Variants in TTC9 observed in about 807,000 individuals in gnomAD.
TTC9 encodes the protein tetratricopeptide repeat protein 9A.
A neutral mutation model predicts 22.9 loss-of-function variants in TTC9; 13 were observed. The ratio of observed to expected loss-of-function variants is 0.57; its 90% CI spans 0.37 to 0.90. The LOEUF (loss-of-function observed/expected upper bound fraction) is 0.90, where lower values mean the gene tolerates loss of function less well. TTC9 is among the 40% of genes least tolerant of loss of function. The pLI is 0.01. For missense variants in TTC9, 280 were observed against 291.8 expected (o/e 0.96, Z 0.29); for synonymous variants, 148 against 133.2 (o/e 1.11, Z -0.77).
intron 1 of TTC9, among the ~76,000 whole-genome samples, chr14:70,664,327 A>G (rs1021654220): frequency 6.6e-6 from 1 of 151,118 alleles, no homozygotes; most frequent in Non-Finnish European, 1.5e-5. Flanking sequence ...ATGTACCAGT[A>G]GCCACCCACC....
At chr14:70,663,680 C>G (rs1265955978) in intron 1 of TTC9, among the ~76,000 whole-genome samples, 1 of 152,102 alleles carries the variant, frequency 6.6e-6, no homozygotes, top group Non-Finnish European at 1.5e-5. Context: ...GACCTCTGCC[C>G]TCCCTGCCCA....
intron 1 of TTC9, among the ~76,000 whole-genome samples, chr14:70,663,572 C>T (rs1323450890): frequency 6.6e-6 from 1 of 152,214 alleles, no homozygotes; most frequent in Non-Finnish European, 1.5e-5. Flanking sequence ...TCCCATTATA[C>T]TTTAGATCAA....
intron 1 of TTC9, among the ~76,000 whole-genome samples, chr14:70,665,732 G>A (rs1886206697): frequency 6.6e-6 from 1 of 152,014 alleles, no homozygotes; most frequent in African/African-American, 2.4e-5. Flanking sequence ...GGTCCTAAAT[G>A]CTCAAAAAAA....
At chr14:70,644,878 C>T (rs1348183745) in intron 1 of TTC9, among the ~76,000 whole-genome samples, 1 of 151,882 alleles carries the variant, frequency 6.6e-6, no homozygotes, top group African/African-American at 2.4e-5. Flanking sequence ...TTTGGGAGGC[C>T]GAGGCGGGCG....
chr14:70,669,475 C>A (rs184310301), intron 2 of TTC9, among the ~76,000 whole-genome samples: 4 of 151,544 alleles, frequency 2.6e-5, no homozygotes, highest in Non-Finnish European at 5.9e-5. Context: ...TAGATGAAGT[C>A]TTGCTATGTT....
chr14:70,643,840 A>G (rs920713400), intron 1 of TTC9, among the ~76,000 whole-genome samples: 7 of 152,208 alleles, frequency 4.6e-5, no homozygotes, highest in African/African-American at 1.7e-4. Flanking sequence ...TGTAAATTGT[A>G]AAGTACTTTA....
At chr14:70,656,199 C>A (rs1282150381) in intron 1 of TTC9, among the ~76,000 whole-genome samples, 1 of 126,920 alleles carries the variant, frequency 7.9e-6, no homozygotes, top group Non-Finnish European at 1.7e-5. Flanking sequence ...AAAAATAATT[C>A]TTCACCCTGA....
rs1357185464 is a variant in TTC9 at position 70,671,110 on chromosome 14, G to A, written c.624G>A (p.Glu208=). 1 of 1,613,764 alleles carries A rather than the reference G, an allele frequency of 6.2e-7. No individual in the cohort carries two copies. Among genetic ancestry groups the A allele is most frequent in the Non-Finnish European group, 8.5e-7 (1 of 1,179,774 alleles). ...TNVIRYIQLT[E]MKLSRCSQRE... is the part of the protein sequence containing the mutation. ...TGATTCGGTATATCCAGCTGACGGA[G>A]ATGAAACTCAGCCGATGCTCCCAGA... Residue 208 remains glutamate (E), a synonymous_variant, in exon 3 of 3, where the codon GAG becomes GAA. Coordinates refer to ENST00000256367, the MANE Select transcript of TTC9 (RefSeq NM_015351.2).
chr14:70,662,413 CAAAA>C (rs57369399), intron 1 of TTC9, among the ~76,000 whole-genome samples: 17 of 123,202 alleles, frequency 1.4e-4, no homozygotes, highest in Admixed American at 2.4e-4. Flanking sequence ...ATCTCTATGC[CAAAA>C]AAAAAAAAAA....
rs72721905 is a variant in TTC9, at chr14:70,671,965, G to A, written c.*810G>A. The A allele has an allele frequency of 0.028, 4,205 of 152,486 alleles. 85 individuals are homozygous for A. Among genetic ancestry groups the A allele is most frequent in the South Asian group, 0.07 (338 of 4,834 alleles). The allele number at this position is 152,486 out of a possible 1,614,324, so 9.4% of individuals were successfully genotyped here. On this transcript the variant is annotated 3_prime_UTR_variant, in exon 3 of 3. Transcript: ENST00000256367. ...GATGATGGCCAGGGGAAAGAGCATCGTATAGGCTAGGGGATTGAACTGTGG... is the reference window on the plus strand; with the variant it reads ...GATGATGGCCAGGGGAAAGAGCATCATATAGGCTAGGGGATTGAACTGTGG...
chr14:70,653,788 G>A (rs868540801), intron 1 of TTC9, among the ~76,000 whole-genome samples: 2 of 152,196 alleles, frequency 1.3e-5, no homozygotes. Context: ...ATCTGACAGC[G>A]GAAAATAAGG....
rs374827663 is a variant in TTC9, at chr14:70,671,184, C to T, written c.*29C>T. ...GGAAGCAGCTCCAGAGCTGCGCCCA[C>T]GCCTGACCGGGGACTTCCAGGCATC... On this transcript the variant is annotated 3_prime_UTR_variant, in exon 3 of 3. Coordinates refer to ENST00000256367, the MANE Select transcript of TTC9 (RefSeq NM_015351.2). The T allele has an allele frequency of 3.2e-5, 52 of 1,601,846 alleles. No individual in the cohort carries two copies. Among genetic ancestry groups the T allele is most frequent in the African/African-American group, 1.1e-4 (8 of 74,608 alleles).
chr14:70,656,710 C>T (rs1392464760), intron 1 of TTC9, among the ~76,000 whole-genome samples: 1 of 152,196 alleles, frequency 6.6e-6, no homozygotes, highest in African/African-American at 2.4e-5. Flanking sequence ...GACGTGTGTA[C>T]TTGGCCAGAG....
At chr14:70,648,209 G>GGGCT (rs553569380) in intron 1 of TTC9, among the ~76,000 whole-genome samples, 74 of 152,260 alleles carry the variant, frequency 4.9e-4, no homozygotes, top group African/African-American at 1.7e-3. Context: ...TGTTGACCTG[G>GGGCT]GGCTGTTCCT....
intron 2 of TTC9, among the ~76,000 whole-genome samples, chr14:70,669,153 C>CA (rs1184027531): frequency 6.0e-5 from 9 of 150,448 alleles, no homozygotes; most frequent in South Asian, 2.1e-4. Flanking sequence ...GAGACTGTCT[C>CA]AAAAAAAATA....
rs1594732565 is a variant in TTC9, at chr14:70,642,447, G to A, written c.318G>A (p.Pro106=). The change falls in exon 1 of 3, where the codon CCG becomes CCA. Residue 106 remains proline, a synonymous_variant. Coordinates refer to ENST00000256367, the MANE Select transcript of TTC9 (RefSeq NM_015351.2). ...AGCGGGACTCGCGCCCGGCCTCCCCGGCTGGGGCCCTGAAGCCCGGCCGCC... is the reference window on the plus strand; with the variant it reads ...AGCGGGACTCGCGCCCGGCCTCCCCAGCTGGGGCCCTGAAGCCCGGCCGCC... ...ERERDSRPAS[P]AGALKPGRLS... 6.4e-7 allele frequency: 1 copy of A among 1,561,182 alleles called. No individual in the cohort carries two copies. The highest frequency in any genetic ancestry group is 1.7e-4 in the Middle Eastern group (1 of 5,988).
chr14:70,671,053 A>T, intron 2 of TTC9, 23 bp from the exon 3 acceptor site: 1 of 1,609,494 alleles, frequency 6.2e-7, no homozygotes, highest in South Asian at 1.1e-5. Flanking sequence ...GGTGTTCCCT[A>T]AGGTTTATTT....
chr14:70,646,487 T>C (rs961809577), intron 1 of TTC9, among the ~76,000 whole-genome samples: 1 of 152,188 alleles, frequency 6.6e-6, no homozygotes, highest in East Asian at 1.9e-4. Flanking sequence ...GTGGTGGCCC[T>C]AGCAGAAGTG....
intron 1 of TTC9, among the ~76,000 whole-genome samples, chr14:70,667,199 C>A (rs139671467): frequency 6.6e-6 from 1 of 152,176 alleles, no homozygotes; most frequent in South Asian, 2.1e-4. Flanking sequence ...GGATACCAGT[C>A]ACACTGGATT....
Sources: allele counts gnomAD v4.1 joint callset (sites outside exome capture counted in the v4.1 genomes callset), GRCh38; gene constraint gnomAD v4.1.1; transcripts MANE v1.5; gene names NCBI Gene and HGNC (gene_info 2026-07-23, HGNC 2026-07-21).